SARAF: variants seen among roughly 807,000 people sequenced by gnomAD.
SARAF encodes the protein store-operated calcium entry associated regulatory factor, also known as store-operated calcium entry-associated regulatory factor.
SARAF carries 23 observed loss-of-function variants against 39.7 expected under a neutral mutation model. The observed-to-expected ratio is 0.58, with a 90% CI of 0.42 to 0.82. The LOEUF is 0.82. SARAF is among the 40% of genes least tolerant of loss of function. SARAF has a pLI of 0.00. For missense variants in SARAF, 384 were observed against 418.5 expected (o/e 0.92, Z 0.72); for synonymous variants, 175 against 168.5 (o/e 1.04, Z -0.30).
At chr8:30,067,272 A>T (rs1231193261) in intron 3 of SARAF, among the ~76,000 whole-genome samples, 2 of 152,176 alleles carry the variant, frequency 1.3e-5, no homozygotes, top group South Asian at 4.1e-4. Flanking sequence ...GCTCCAGATG[A>T]GAGCTGTGCC....
intron 2 of SARAF, 68 bp downstream of exon 2, chr8:30,073,809 A>C (rs1801897339): frequency 7.1e-7 from 1 of 1,414,254 alleles, no homozygotes; most frequent in Non-Finnish European, 9.8e-7. Flanking sequence ...AAGACTGAAT[A>C]ATGTCCCAAT....
At position 30,073,951 on chromosome 8, in the gene SARAF, T is replaced by C. The variant is rs764305946; in HGVS notation, c.208A>G (p.Thr70Ala). The change falls in exon 2 of 6, where the codon ACA (threonine) becomes GCA (alanine). Residue 70 changes from threonine (T) to alanine (A), a missense_variant. By Grantham distance (58) the Thr-to-Ala change is moderately conservative. Transcript: ENST00000256255. ...PIPQLKCVGG[T>A]AGCDSYTPKV... is the part of the protein sequence containing the mutation. Reference sequence around the variant, plus strand: ...GGGGTATAAGAATCACAACCAGCTGTGCCTCCAACACATTTCAACTGTGGG... The same window carrying C: ...GGGGTATAAGAATCACAACCAGCTGCGCCTCCAACACATTTCAACTGTGGG... The C allele has an allele frequency of 1.9e-6, 3 of 1,614,188 alleles. No individual in the cohort carries two copies. The Admixed American group carries it at 5.0e-5, about 27-fold the overall frequency.
chr8:30,078,386 C>T (rs1802023629), intron 1 of SARAF: 1 of 280,984 alleles, frequency 3.6e-6, no homozygotes, highest in African/African-American at 2.3e-5. Flanking sequence ...AGAAACAGAC[C>T]ACACAAAGGC....
intron 1 of SARAF, among the ~76,000 whole-genome samples, chr8:30,078,053 T>A (rs1361575288): frequency 6.9e-6 from 1 of 145,778 alleles, no homozygotes. Context: ...GACAGGAGAA[T>A]CGCTTGAACC....
At chr8:30,083,191 G>A (rs1585450737), upstream of SARAF, 22 of 394,566 alleles carry the variant, frequency 5.6e-5, no homozygotes, top group East Asian at 1.0e-3. Context: ...GCGGCTTGGG[G>A]CGGGGCGAGG....
chr8:30,074,162 G>C, intron 1 of SARAF, 107 bp from the exon 2 acceptor site: 1 of 1,246,296 alleles, frequency 8.0e-7, no homozygotes, highest in Non-Finnish European at 1.1e-6. Flanking sequence ...CTTGCCTTCT[G>C]AGGATGGCTA....
chr8:30,079,202 A>T (rs1448868927), intron 1 of SARAF, among the ~76,000 whole-genome samples: 1 of 150,978 alleles, frequency 6.6e-6, no homozygotes, highest in Non-Finnish European at 1.5e-5. Flanking sequence ...AATAGTAGGG[A>T]ATTGGAACAG....
intron 2 of SARAF, 147 bp downstream of exon 2, chr8:30,073,730 C>A: frequency 1.7e-6 from 1 of 599,252 alleles, no homozygotes; most frequent in South Asian, 3.1e-5. Context: ...CCATTTCTTC[C>A]ACAGGAAGAG....
At chr8:30,070,300 A>C (rs1490183234) in intron 2 of SARAF, among the ~76,000 whole-genome samples, 1 of 151,976 alleles carries the variant, frequency 6.6e-6, no homozygotes, top group Non-Finnish European at 1.5e-5. Flanking sequence ...CCCAGCTACT[A>C]AGGAGGCTGA....
In SARAF at chr8:30,063,629, C is replaced by T. The variant is rs888662598; in HGVS notation, c.*259G>A. On this transcript the variant is annotated 3_prime_UTR_variant, in exon 6 of 6. Coordinates refer to ENST00000256255, the MANE Select transcript of SARAF (RefSeq NM_016127.6). ...GTTTTAGAAATTAATGTATTTTTAG[C>T]ATTCCACAGTAATGATCACTTTCAA... 4.0e-6 allele frequency: 2 copies of T among 498,966 alleles called. No homozygotes were observed. Among genetic ancestry groups the T allele is most frequent in the Non-Finnish European group, 3.5e-6 (1 of 282,448 alleles). The allele number at this position is 498,966 out of a possible 1,614,324, so 30.9% of individuals were successfully genotyped here.
intron 3 of SARAF, among the ~76,000 whole-genome samples, chr8:30,069,133 C>CTTTTTTTTTTTTTTTTTTT (rs1491510056): frequency 1.1e-5 from 1 of 94,512 alleles, no homozygotes. Flanking sequence ...TTTAATCAGG[C>CTTTTTTTTTTTTTTTTTTT]ATTTTTTTTT....
At chr8:30,079,448 T>C (rs987119836) in intron 1 of SARAF, among the ~76,000 whole-genome samples, 13 of 152,194 alleles carry the variant, frequency 8.5e-5, no homozygotes, top group Non-Finnish European at 1.8e-4. Flanking sequence ...AAATAAACCA[T>C]GCTACATTAA....
At position 30,066,008 on chromosome 8, in the gene SARAF, G is replaced by T; in HGVS notation, c.974C>A (p.Thr325Lys). 1 of 1,614,026 alleles carries T rather than the reference G, an allele frequency of 6.2e-7. No homozygotes were observed. Among genetic ancestry groups the T allele is most frequent in the Non-Finnish European group, 8.5e-7 (1 of 1,179,998 alleles). ...GSYSVCSNSDTKTRTASGYGG... is the reference protein window; with the variant it reads ...GSYSVCSNSDKKTRTASGYGG... ...CTTACCTGATGCAGTTCTGGTTTTC[G>T]TGTCTGAGTTTGAACATACCGAATA... Residue 325 changes from threonine to lysine, a missense_variant, in exon 5 of 6, where the codon ACG becomes AAG. By Grantham distance (78) the Thr-to-Lys change is moderately conservative. Coordinates refer to ENST00000256255, the MANE Select transcript of SARAF (RefSeq NM_016127.6).
chr8:30,065,444 T>C (rs560108573), intron 5 of SARAF, among the ~76,000 whole-genome samples: 95 of 152,214 alleles, frequency 6.2e-4, no homozygotes, highest in Admixed American at 1.7e-3. Flanking sequence ...GTTCTATAAC[T>C]TCCTTTTCCT....
chr8:30,082,689 G>A, intron 1 of SARAF, 158 bp downstream of exon 1: 1 of 553,158 alleles, frequency 1.8e-6, no homozygotes, highest in Non-Finnish European at 3.2e-6. Context: ...GAAGAGCAGT[G>A]GAACCAGGGA....
chr8:30,081,731 A>AT (rs11314015), intron 1 of SARAF, among the ~76,000 whole-genome samples: 48 of 147,340 alleles, frequency 3.3e-4, no homozygotes, highest in African/African-American at 1.1e-3. Context: ...TGTTGTTTTC[A>AT]TTTTTTTTTT....
rs1252169663 is a variant in SARAF at position 30,073,090 on chromosome 8, GAAGT to G, written c.282+783_282+786del. Among the ~76,000 whole-genome samples the G allele has an allele frequency of 1.1e-4, 17 of 152,268 alleles. No homozygotes were observed. In the South Asian group the frequency reaches 3.1e-3, roughly 28 times the overall value. On this transcript the variant is annotated intron_variant, in intron 2 of 5. Transcript: ENST00000256255. ...TAGCAGTACTGGGGGAAAATATTGTGAAGTAAGTATCACCCAGTACACATCAACT... is the reference window on the plus strand; with the variant it reads ...TAGCAGTACTGGGGGAAAATATTGTGAAGTATCACCCAGTACACATCAACT...
chr8:30,064,557 A>ATTTTTTTTTTTTTTTTTTTTTTT (rs1458215350), intron 5 of SARAF, among the ~76,000 whole-genome samples: 1 of 50,652 alleles, frequency 2.0e-5, no homozygotes, highest in Non-Finnish European at 3.2e-5. Context: ...ATATATATAT[A>ATTTTTTTTTTTTTTTTTTTTTTT]TATATTTTTT....
intron 3 of SARAF, 147 bp from the exon 4 acceptor site, chr8:30,067,065 A>G: frequency 1.2e-6 from 1 of 826,726 alleles, no homozygotes; most frequent in Non-Finnish European, 1.9e-6. Flanking sequence ...GTATTCAAAA[A>G]GGTATTTGTA....
Sources: gnomAD v4.1 joint callset for allele counts (sites outside exome capture counted in the v4.1 genomes callset) on GRCh38, gnomAD v4.1.1 for gene constraint, MANE v1.5 for transcripts, NCBI Gene and HGNC (gene_info 2026-07-23, HGNC 2026-07-21) for gene names.